Variants in LRRC37B observed in about 807,000 individuals in gnomAD.
The protein encoded by LRRC37B is leucine rich repeat containing 37B, also known as leucine-rich repeat-containing protein 37B.
LRRC37B carries 28 observed loss-of-function variants against 98.3 expected under a neutral mutation model. The ratio of observed to expected loss-of-function variants is 0.28; its 90% confidence interval spans 0.21 to 0.39. The LOEUF is 0.39. Among genes scored for constraint, LRRC37B ranks in the 10% least tolerant of loss-of-function variants. The probability of loss-of-function intolerance (pLI) is 1.00; values close to 1 mark genes in which losing one functional copy is unlikely to be tolerated. For missense variants in LRRC37B, 938 were observed against 1,182.7 expected (o/e 0.79, Z 3.03); for synonymous variants, 364 against 442.7 (o/e 0.82, Z 2.23).
intron 1 of LRRC37B, among the ~76,000 whole-genome samples, chr17:32,015,151 A>G (rs536522522): frequency 1.6e-4 from 24 of 152,246 alleles, no homozygotes; most frequent in African/African-American, 5.1e-4. Flanking sequence ...CACCTGTAAA[A>G]GCTAGCTGGT....
At chr17:32,011,552 C>G (rs1910526779) in intron 1 of LRRC37B, among the ~76,000 whole-genome samples, 2 of 151,594 alleles carry the variant, frequency 1.3e-5, no homozygotes, top group African/African-American at 4.9e-5. Context: ...GAATGGAGTG[C>G]AGTGGCACGA....
At chr17:32,029,315 A>G (rs984297151) in intron 3 of LRRC37B, among the ~76,000 whole-genome samples, 6 of 152,164 alleles carry the variant, frequency 3.9e-5, no homozygotes, top group African/African-American at 1.4e-4. Context: ...CATTTGTTTT[A>G]CAAATATTTT....
At chr17:32,032,579 C>T (rs1911139750) in intron 5 of LRRC37B, among the ~76,000 whole-genome samples, 1 of 152,150 alleles carries the variant, frequency 6.6e-6, no homozygotes, top group Admixed American at 6.5e-5. Flanking sequence ...ATACTTTCCA[C>T]CTTTCTTGTG....
intron 8 of LRRC37B, chr17:32,047,082 C>T (rs1454995776): frequency 6.5e-6 from 1 of 154,430 alleles, no homozygotes; most frequent in Non-Finnish European, 1.4e-5. Context: ...AATCTCTTAA[C>T]CTACACCCTG....
rs1293653091 is a variant in LRRC37B at position 32,022,032 on chromosome 17, G to T, written c.967G>T (p.Glu323Ter). The change falls in exon 1 of 12, where the codon GAA becomes TAA. Residue 323 changes from glutamate to a stop codon, truncating the protein, a stop_gained. Transcript: ENST00000327564. LOFTEE classifies it high-confidence loss of function. The stretch of plus-strand genomic sequence containing the variant: ...GCTTCTACAGCTCCCTCAGGAGGTA[G>T]AACCTTCAACCCAGCAGGAGGCCCC... The T allele has an allele frequency of 6.2e-7, 1 of 1,614,010 alleles. No homozygotes were observed. The highest frequency in any genetic ancestry group is 8.5e-7 in the Non-Finnish European group (1 of 1,179,888).
chr17:32,011,768 A>AT lies in LRRC37B; in HGVS notation c.-191+3638dup, dbSNP rs1910531325. Among the ~76,000 whole-genome samples, 3 of 152,350 alleles carry AT rather than the reference A, an allele frequency of 2.0e-5. No individual in the cohort carries two copies. The South Asian group carries it at 6.2e-4, about 32-fold the overall frequency. ...TGCCTCGGCCTCCCAAAGTGCTGGG[A>AT]TTACAGGCATGAGCCACCGCGCCCA... On this transcript the variant is annotated intron_variant, in intron 1 of 14. Transcript: ENST00000543378.
intron 8 of LRRC37B, among the ~76,000 whole-genome samples, chr17:32,046,260 GAGT>G (rs1911576744): frequency 6.6e-6 from 1 of 152,204 alleles, no homozygotes; most frequent in Non-Finnish European, 1.5e-5. Flanking sequence ...AGTTTTATAA[GAGT>G]AGAAGTGATG....
intron 1 of LRRC37B, among the ~76,000 whole-genome samples, chr17:32,008,468 A>G (rs940535842): frequency 1.3e-5 from 2 of 151,798 alleles, no homozygotes; most frequent in Non-Finnish European, 2.9e-5. Context: ...CATTGCATTC[A>G]TTTTTCTCCC....
intron 1 of LRRC37B, 46 bp from the exon 5 acceptor site, chr17:32,024,665 A>C (rs375318220): frequency 6.2e-7 from 1 of 1,605,812 alleles, no homozygotes; most frequent in African/African-American, 1.3e-5. Context: ...TATCCTGTTC[A>C]TTCTTTGCGT....
At chr17:32,041,623 C>G (rs1300669663) in intron 7 of LRRC37B, 1 of 465,984 alleles carries the variant, frequency 2.1e-6, no homozygotes, top group Non-Finnish European at 4.3e-6. Flanking sequence ...AAGGCGGTGT[C>G]CAAGCCTGCC....
chr17:32,008,378 A>G (rs1268866133), intron 1 of LRRC37B, among the ~76,000 whole-genome samples: 1 of 151,510 alleles, frequency 6.6e-6, no homozygotes, highest in Non-Finnish European at 1.5e-5. Flanking sequence ...CGTCCCCCCA[A>G]CTCCCTTTTT....
chr17:32,020,417 G>A (rs1160149618), upstream of LRRC37B, among the ~76,000 whole-genome samples: 1 of 152,116 alleles, frequency 6.6e-6, no homozygotes, highest in East Asian at 1.9e-4. Context: ...GGTAATGGCT[G>A]TGTTGAGTTA....
chr17:32,042,081 C>T (rs1032196539), intron 7 of LRRC37B: 3 of 334,656 alleles, frequency 9.0e-6, no homozygotes, highest in African/African-American at 4.3e-5. Context: ...CACTCCTTCT[C>T]CCCAAGGCCA....
chr17:32,007,749 G>A (rs1028063035), upstream of LRRC37B: 75 of 1,193,854 alleles, frequency 6.3e-5, 1 homozygote, highest in Middle Eastern at 3.3e-4. This position sits in a 1 kb window ranked among gnomAD's most constrained non-coding sequence, Gnocchi z 4.1. Context: ...GCCGGGGCAG[G>A]TGGGCAGCCG....
At chr17:32,043,478 T>C (rs991862521) in intron 7 of LRRC37B, among the ~76,000 whole-genome samples, 68 of 152,292 alleles carry the variant, frequency 4.5e-4, no homozygotes, top group African/African-American at 1.4e-3. Flanking sequence ...GGAGGATCAC[T>C]TGAGCCCAGG....
exon 7 of LRRC37B, chr17:32,035,611 C>T (rs1567616845): frequency 6.2e-7 from 1 of 1,611,608 alleles, no homozygotes; most frequent in African/African-American, 1.3e-5. Context: ...TAAGAACATT[C>T]TCACGATGAC....
intron 3 of LRRC37B, chr17:32,029,023 A>G (rs1222346529): frequency 6.6e-6 from 1 of 151,018 alleles, no homozygotes; most frequent in Non-Finnish European, 1.5e-5. Flanking sequence ...TTTTTTTGAG[A>G]CGGAATCTTG....
chr17:32,048,729 C>G (rs1243488614), intron 9 of LRRC37B, among the ~76,000 whole-genome samples: 2 of 152,156 alleles, frequency 1.3e-5, no homozygotes, highest in African/African-American at 4.8e-5. Flanking sequence ...CTCAACAGAC[C>G]GATGCTCGCA....
intron 7 of LRRC37B, chr17:32,042,619 G>A (rs1420610817): frequency 1.3e-5 from 2 of 152,720 alleles, no homozygotes; most frequent in African/African-American, 4.8e-5. Flanking sequence ...TCGACGAAAT[G>A]GAGGGTCCTC....
Sources: gnomAD v4.1 joint callset for allele counts (sites outside exome capture counted in the v4.1 genomes callset) on GRCh38, gnomAD v4.1.1 for gene constraint, Gnocchi (gnomAD v3.1) non-coding constraint, MANE v1.5 for transcripts, NCBI Gene and HGNC (gene_info 2026-07-23, HGNC 2026-07-21) for gene names.